Variants in TTC21A observed in about 807,000 individuals in gnomAD.
The protein encoded by TTC21A is tetratricopeptide repeat protein 21A.
A neutral mutation model predicts 156.4 loss-of-function variants in TTC21A; 128 were observed. The ratio of observed to expected loss-of-function variants is 0.82; its 90% CI spans 0.71 to 0.95. The LOEUF (loss-of-function observed/expected upper bound fraction) is 0.95. Among genes scored for constraint, TTC21A ranks in the 40% least tolerant of loss-of-function variants. TTC21A has a pLI of 0.00. For synonymous variants in TTC21A, 587 were observed against 617.1 expected (o/e 0.95, Z 0.72); for missense variants, 1,435 against 1,602.3 (o/e 0.90, Z 1.78).
chr3:39,129,388 T>C, intron 15 of TTC21A, 78 bp downstream of exon 15: 3 of 1,101,902 alleles, frequency 2.7e-6, no homozygotes, highest in Middle Eastern at 2.0e-4. Flanking sequence ...ATGGTATTTC[T>C]TCAACCTGGG....
At chr3:39,109,338 G>T in intron 2 of TTC21A, 124 bp downstream of exon 2, 3 of 1,118,528 alleles carry the variant, frequency 2.7e-6, no homozygotes, top group East Asian at 2.6e-5. Context: ...CACACTCAGC[G>T]GCTGGATTCC....
Position 39,128,933 on chromosome 3 carries a change from G to A in TTC21A, c.1896+1G>A, listed in dbSNP as rs1226381471. 1 of 1,614,068 alleles carries A rather than the reference G, an allele frequency of 6.2e-7. No individual in the cohort carries two copies. Among genetic ancestry groups the A allele is most frequent in the East Asian group, 2.2e-5 (1 of 44,896 alleles). The stretch of plus-strand genomic sequence containing the variant: ...GGCCCTCCGGCTGAATGGGGAGCTA[G>A]TAAGAAATGCCGTGCTCTCTTCCCT... On this transcript the variant is annotated splice_donor_variant, in intron 14 of 28. Transcript: ENST00000683103. LOFTEE classifies it high-confidence loss of function.
In TTC21A at chr3:39,131,076, T is replaced by A. The variant is rs956919541; in HGVS notation, c.2543T>A (p.Val848Glu). ...KVYKSHKKEA[V>E]IETLNKALDL... The stretch of plus-strand genomic sequence containing the variant: ...TACAAGAGCCATAAAAAAGAAGCTG[T>A]GATAGAAACTTTGAACAAGGTAATT... Residue 848 changes from valine (V) to glutamate (E), a missense_variant, in exon 19 of 29, where the codon GTG becomes GAG. Val to Glu is a moderately radical substitution (Grantham distance 121). Coordinates refer to ENST00000683103, the MANE Select transcript of TTC21A (RefSeq NM_001366900.1). 4 of 1,610,226 alleles carry A rather than the reference T, an allele frequency of 2.5e-6. No individual in the cohort carries two copies. Among genetic ancestry groups the A allele is most frequent in the Admixed American group, 1.7e-5 (1 of 59,986 alleles).
rs199550942 is a variant in TTC21A at position 39,135,170 on chromosome 3, G to A, written c.2940G>A (p.Ala980=). The change falls in exon 22 of 29, where the codon GCG becomes GCA. Residue 980 remains alanine, a synonymous_variant. Coordinates refer to ENST00000683103, the MANE Select transcript of TTC21A (RefSeq NM_001366900.1). ...TTTACCACCAAGTCTTGGAGAAAGC[G>A]CCAGGTAATTCTGCCCATGGAGACT... ...INLYHQVLEK[A]PDNFLVLHKL... The A allele has an allele frequency of 5.8e-4, 934 of 1,613,998 alleles. 10 individuals are homozygous for A. The Middle Eastern group carries it at 0.012, about 20-fold the overall frequency.
Position 39,121,168 on chromosome 3 carries a change from G to A in TTC21A, c.1072G>A (p.Asp358Asn). ...WYSEAMKLDK[D>N]GMAGLTGIIL... is the part of the protein sequence containing the mutation. ...TTCAGAAGCCATGAAACTGGACAAG[G>A]ATGGCATGGCTGGTTTGACAGGTAT... Residue 358 changes from aspartate (D) to asparagine (N), a missense_variant, in exon 9 of 29, where the codon GAT becomes AAT. Asp to Asn is a conservative substitution (Grantham distance 23). Coordinates refer to ENST00000683103, the MANE Select transcript of TTC21A (RefSeq NM_001366900.1). 1 of 1,613,676 alleles carries A rather than the reference G, an allele frequency of 6.2e-7. No individual in the cohort carries two copies. Among genetic ancestry groups the A allele is most frequent in the East Asian group, 2.2e-5 (1 of 44,878 alleles).
Position 39,135,266 on chromosome 3 carries a change from C to A in TTC21A, c.2944+92C>A, listed in dbSNP as rs372658635. ...GGTGGGACCTCTCCCTCCTTCCTGA[C>A]TGGGCAGAGGAAGCCCCTTCCTCCC... On this transcript the variant is annotated intron_variant, in intron 22 of 28. Transcript: ENST00000683103. 65 of 1,111,500 alleles carry A rather than the reference C, an allele frequency of 5.8e-5. 2 individuals are homozygous for A. The highest frequency in any genetic ancestry group is 5.2e-4 in the Middle Eastern group (2 of 3,850). The allele number at this position is 1,111,500 out of a possible 1,614,324, so 68.9% of individuals were successfully genotyped here. A position where few individuals can be genotyped will look rare whatever the true frequency, so the allele number is the denominator to read the frequency against.
At chr3:39,117,846 T>C (rs1415004343) in intron 6 of TTC21A, among the ~76,000 whole-genome samples, 1 of 152,228 alleles carries the variant, frequency 6.6e-6, no homozygotes, top group Non-Finnish European at 1.5e-5. Context: ...TTTGTACTTC[T>C]ATCCTGTAGG....
chr3:39,114,482 G>A (rs1371535639), intron 5 of TTC21A, 103 bp from the exon 6 acceptor site: 2 of 1,201,192 alleles, frequency 1.7e-6, no homozygotes, highest in Admixed American at 1.7e-5. Context: ...CATGTGTCAG[G>A]TTCTGTTCCT....
chr3:39,115,666 C>A (rs147002187), intron 6 of TTC21A, among the ~76,000 whole-genome samples: 11 of 151,402 alleles, frequency 7.3e-5, no homozygotes, highest in Admixed American at 6.6e-5. Context: ...GACCCTGTCT[C>A]GAAAAAAATA....
intron 6 of TTC21A, among the ~76,000 whole-genome samples, chr3:39,116,191 A>G (rs187090058): frequency 3.0e-4 from 45 of 152,384 alleles, no homozygotes; most frequent in Admixed American, 2.7e-3. Context: ...CCAGTGCCCC[A>G]GCGTGTTCCC....
rs763848719 is a variant in TTC21A at position 39,134,318 on chromosome 3, C to T, written c.2852C>T (p.Thr951Ile). 6.2e-7 allele frequency: 1 copy of T among 1,612,644 alleles called. No individual in the cohort carries two copies. Among genetic ancestry groups the T allele is most frequent in the Non-Finnish European group, 8.5e-7 (1 of 1,178,792 alleles). The change falls in exon 21 of 29, where the codon ACC (threonine) becomes ATC (isoleucine). Residue 951 changes from threonine (T) to isoleucine (I), a missense_variant. Transcript: ENST00000683103. The surrounding 1 kb of genome is among the most constrained non-coding windows in gnomAD (Gnocchi z 4.6). ...CTGCAGACTGAGCAGAACCATGAGA[C>T]CGCTTCTGTGGTAGGAAGCCCCCAG... The part of the protein sequence containing the change: ...ILLQTEQNHE[T>I]ASVLMADLMF...
Position 39,110,910 on chromosome 3 carries a change from G to A in TTC21A, c.328G>A (p.Gly110Arg). 6.2e-7 allele frequency: 1 copy of A among 1,614,068 alleles called. No individual in the cohort carries two copies. The highest frequency in any genetic ancestry group is 1.1e-5 in the South Asian group (1 of 91,082). ...SLKEIRKTVS[G>R]TALYYAGLFL... The stretch of plus-strand genomic sequence containing the variant: ...GAAGGAAATACGCAAGACAGTCAGT[G>A]GGACTGCACTGTACTATGCTGGCCT... Residue 110 changes from glycine (G) to arginine (R), a missense_variant, in exon 4 of 29, where the codon GGG becomes AGG. By Grantham distance (125) the Gly-to-Arg change is moderately radical. Transcript: ENST00000683103.
At chr3:39,132,638 T>G in intron 19 of TTC21A, 1 of 218,118 alleles carries the variant, frequency 4.6e-6, no homozygotes, top group Non-Finnish European at 9.0e-6. Flanking sequence ...CACCTGATCA[T>G]TTGTGTGGTG....
rs767863208 is a variant in TTC21A at position 39,137,373 on chromosome 3, A to G, written c.3436A>G (p.Ile1146Val). ...MEAALGSFIQ[I>V]AQAEKDSVPA... ...GGCTGCGCTGGGCAGCTTCATCCAG[A>G]TAGCGCAGGCTGAGGTGTGGCTGGT... Residue 1146 changes from isoleucine (I) to valine (V), a missense_variant, in exon 25 of 29, where the codon ATA (isoleucine) becomes GTA (valine). Ile to Val is a conservative substitution (Grantham distance 29, BLOSUM62 3). Coordinates refer to ENST00000683103, the MANE Select transcript of TTC21A (RefSeq NM_001366900.1). 3 of 1,613,260 alleles carry G rather than the reference A, an allele frequency of 1.9e-6. No individual in the cohort carries two copies. The highest frequency in any genetic ancestry group is 2.2e-5 in the East Asian group (1 of 44,878).
Position 39,137,307 on chromosome 3 carries a change from G to T in TTC21A, c.3370G>T (p.Gly1124Cys). The T allele has an allele frequency of 6.2e-7, 1 of 1,614,088 alleles. No individual in the cohort carries two copies. Among genetic ancestry groups the T allele is most frequent in the Non-Finnish European group, 8.5e-7 (1 of 1,180,012 alleles). Residue 1124 changes from glycine (G) to cysteine (C), a missense_variant, in exon 25 of 29, where the codon GGC becomes TGC. Transcript: ENST00000683103. ...CCAGACCCAGCTGCGGCTGCTGCAG[G>T]GCCTCTGCCGGCTGGCCACCAGGGA... Reference protein sequence around the residue: ...SSQTQLRLLQGLCRLATREKA... With the variant: ...SSQTQLRLLQCLCRLATREKA...
chr3:39,112,062 G>C (rs2036879821), intron 4 of TTC21A, among the ~76,000 whole-genome samples: 1 of 152,324 alleles, frequency 6.6e-6, no homozygotes, highest in African/African-American at 2.4e-5. Context: ...ATCAAGAGTG[G>C]CCTTGCGTAG....
At position 39,138,850 on chromosome 3, in the gene TTC21A, G is replaced by A. The variant is rs2039337971; in HGVS notation, c.*62G>A. On this transcript the variant is annotated 3_prime_UTR_variant, in exon 29 of 29. Coordinates refer to ENST00000683103, the MANE Select transcript of TTC21A (RefSeq NM_001366900.1). ...ACCTACTGAAGTTGTGTGGAGGGATGGAAAGTGGGTCAGTGGAGAAGGGAT... is the reference window on the plus strand; with the variant it reads ...ACCTACTGAAGTTGTGTGGAGGGATAGAAAGTGGGTCAGTGGAGAAGGGAT... The A allele has an allele frequency of 7.1e-7, 1 of 1,405,976 alleles. No individual in the cohort carries two copies. Among genetic ancestry groups the A allele is most frequent in the East Asian group, 2.3e-5 (1 of 43,268 alleles). 87.1% of individuals were successfully genotyped at this position (1,405,976 alleles called of 1,614,324 possible).
At position 39,107,698 on chromosome 3, in the gene TTC21A, G is replaced by A; in HGVS notation, c.-140G>A. The A allele has an allele frequency of 7.3e-7, 1 of 1,365,450 alleles. No homozygotes were observed. The highest frequency in any genetic ancestry group is 1.8e-5 in the Admixed American group (1 of 55,378). 84.6% of individuals were successfully genotyped at this position (1,365,450 alleles called of 1,614,324 possible). A position where few individuals can be genotyped will look rare whatever the true frequency, so the allele number is the denominator to read the frequency against. On this transcript the variant is annotated 5_prime_UTR_variant, in exon 1 of 29. Coordinates refer to ENST00000683103, the MANE Select transcript of TTC21A (RefSeq NM_001366900.1). ...CCACTCCAGACACTGGACGCTCCTA[G>A]CAACCGGCTAGCAGCTCGGTTTCCA...
In TTC21A at chr3:39,134,433, A is replaced by G; in HGVS notation, c.2862+105A>G. 1.2e-6 allele frequency: 1 copy of G among 824,192 alleles called. No homozygotes were observed. Among genetic ancestry groups the G allele is most frequent in the Non-Finnish European group, 2.2e-6 (1 of 464,436 alleles). 51.1% of individuals were successfully genotyped at this position (824,192 alleles called of 1,614,324 possible). ...CTAGCCCCGTAACCTCAGATGCCTC[A>G]CTGACACACCTCTGAGGAGCTGTCG... On this transcript the variant is annotated intron_variant, in intron 21 of 28. Transcript: ENST00000683103. The surrounding 1 kb of genome is among the most constrained non-coding windows in gnomAD (Gnocchi z 4.6).
Sources: allele counts gnomAD v4.1 joint callset (sites outside exome capture counted in the v4.1 genomes callset), GRCh38; gene constraint gnomAD v4.1.1; non-coding constraint Gnocchi (gnomAD v3.1); transcripts MANE v1.5; gene names NCBI Gene and HGNC (gene_info 2026-07-23, HGNC 2026-07-21).